Variants in CIBAR1 observed in about 807,000 individuals in gnomAD.
CIBAR1 encodes CBY1-interacting BAR domain-containing protein 1.
Under a neutral mutation model 44.0 loss-of-function variants are expected in CIBAR1, and 25 were observed. The observed-to-expected ratio is 0.57, with a 90% CI of 0.41 to 0.79. CIBAR1 has a LOEUF of 0.79. Ranked by LOEUF, CIBAR1 falls within the 30% of genes least tolerant of loss-of-function variation. CIBAR1 has a pLI of 0.00. For missense variants in CIBAR1, 278 were observed against 344.8 expected, an observed-to-expected ratio of 0.81 and a Z score of 1.53; for synonymous variants, 115 against 119.0, an observed-to-expected ratio of 0.97 and a Z score of 0.22.
intron 7 of CIBAR1, chr8:93,724,699 A>G (rs1303690145): frequency 8.9e-7 from 1 of 1,124,068 alleles, no homozygotes; most frequent in Non-Finnish European, 1.1e-6. Flanking sequence ...GGTTCAGTAA[A>G]GTAGCCATTA....
intron 6 of CIBAR1, among the ~76,000 whole-genome samples, chr8:93,710,742 G>T (rs961620260): frequency 2.0e-5 from 3 of 151,174 alleles, no homozygotes; most frequent in African/African-American, 7.3e-5. Flanking sequence ...GCTGAGGCAG[G>T]AGAATCACTT....
In CIBAR1 at chr8:93,730,984, G is replaced by A. The variant is rs1301547840; in HGVS notation, c.*2687G>A. 1 of 152,162 alleles carries A rather than the reference G, an allele frequency of 6.6e-6. No individual in the cohort carries two copies. The highest frequency in any genetic ancestry group is 1.5e-5 in the Non-Finnish European group (1 of 68,060). 9.4% of individuals were successfully genotyped at this position (152,162 alleles called of 1,614,324 possible). On this transcript the variant is annotated 3_prime_UTR_variant, in exon 9 of 9. Coordinates refer to ENST00000518322, the MANE Select transcript of CIBAR1 (RefSeq NM_145269.5). Reference sequence around the variant, plus strand: ...GAGAACAGCCTGGGCAACACAGTGAGACTCTGTCTCTACAAATAATAAAAA... The same window carrying A: ...GAGAACAGCCTGGGCAACACAGTGAAACTCTGTCTCTACAAATAATAAAAA...
intron 2 of CIBAR1, among the ~76,000 whole-genome samples, chr8:93,703,021 C>T (rs1810425082): frequency 1.3e-5 from 2 of 152,062 alleles, no homozygotes; most frequent in Non-Finnish European, 1.5e-5. Context: ...AAACCTGTAA[C>T]GTTTAAGAAA....
At chr8:93,727,127 G>T (rs1363873553) in intron 8 of CIBAR1, 1 of 1,076,074 alleles carries the variant, frequency 9.3e-7, no homozygotes, top group Admixed American at 2.3e-5. Context: ...ATTTACAAAA[G>T]CAGGAGGCTG....
chr8:93,705,194 A>G, intron 4 of CIBAR1, 184 bp downstream of exon 4: 1 of 504,182 alleles, frequency 2.0e-6, no homozygotes, highest in African/African-American at 1.9e-5. Context: ...CCTAATTCAA[A>G]TCCCCTTATA....
rs1167432300 is a variant in CIBAR1 at position 93,724,564 on chromosome 8, G to A, written c.658-1830G>A. On this transcript the variant is annotated intron_variant, in intron 7 of 8. Transcript: ENST00000518322. ...GGTCTTGAACTCCTGGGGCTCAAGCGATCCGCCTGCGTTGGCCTCCCAAAG... is the reference window on the plus strand; with the variant it reads ...GGTCTTGAACTCCTGGGGCTCAAGCAATCCGCCTGCGTTGGCCTCCCAAAG... 12 of 1,272,330 alleles carry A rather than the reference G, an allele frequency of 9.4e-6. No homozygotes were observed. In the African/African-American group the frequency reaches 1.4e-4, roughly 15 times the overall value. 78.8% of individuals were successfully genotyped at this position (1,272,330 alleles called of 1,614,324 possible). A position where few individuals can be genotyped will look rare whatever the true frequency, so the allele number is the denominator to read the frequency against.
At chr8:93,710,012 C>T in intron 6 of CIBAR1, 137 bp downstream of exon 6, 1 of 639,304 alleles carries the variant, frequency 1.6e-6, no homozygotes, top group South Asian at 2.0e-5. Context: ...GGGGCGGGCA[C>T]AGTGGCTTAT....
At chr8:93,714,296 G>A (rs1000514042) in intron 6 of CIBAR1, among the ~76,000 whole-genome samples, 1 of 151,922 alleles carries the variant, frequency 6.6e-6, no homozygotes, top group African/African-American at 2.4e-5. Flanking sequence ...GTTGATTTTT[G>A]TATACTGACT....
In CIBAR1 at chr8:93,706,675, G is replaced by A. The variant is rs371945451; in HGVS notation, c.433-1336G>A. On this transcript the variant is annotated intron_variant, in intron 4 of 8. Transcript: ENST00000518322. ...GGAAGGGAGATAATCTTAGAGCACA[G>A]ATGAAGCAGGTCTTTGGGTTCACAT... 5.9e-5 allele frequency among the ~76,000 whole-genome samples: 9 copies of A among 152,308 alleles called. 1 individual carries two copies. The South Asian group carries it at 1.9e-3, about 32-fold the overall frequency.
chr8:93,713,920 C>CT (rs1261959969), intron 6 of CIBAR1, among the ~76,000 whole-genome samples: 2 of 152,080 alleles, frequency 1.3e-5, no homozygotes, highest in Non-Finnish European at 1.5e-5. Flanking sequence ...GTACTTTCTT[C>CT]TTTTTTTAAA....
chr8:93,707,018 C>T (rs1253064700), intron 4 of CIBAR1, among the ~76,000 whole-genome samples: 2 of 152,188 alleles, frequency 1.3e-5, no homozygotes, highest in Non-Finnish European at 2.9e-5. Flanking sequence ...CCAAGTAGGG[C>T]TCCAGGTGAC....
At chr8:93,708,983 A>C (rs1479623839) in intron 5 of CIBAR1, among the ~76,000 whole-genome samples, 1 of 152,220 alleles carries the variant, frequency 6.6e-6, no homozygotes, top group Non-Finnish European at 1.5e-5. Flanking sequence ...AAGCATAAAG[A>C]GTAAGAGATA....
intron 5 of CIBAR1, among the ~76,000 whole-genome samples, chr8:93,708,918 C>T (rs899996898): frequency 6.6e-6 from 1 of 152,156 alleles, no homozygotes; most frequent in African/African-American, 2.4e-5. Flanking sequence ...GTGCCACTCT[C>T]CTTAGTCATT....
chr8:93,708,848 T>C (rs1478141577), intron 5 of CIBAR1, among the ~76,000 whole-genome samples: 1 of 152,226 alleles, frequency 6.6e-6, no homozygotes, highest in African/African-American at 2.4e-5. Context: ...CTCAATGTTG[T>C]AATGATTTCA....
Position 93,729,131 on chromosome 8 carries a change from A to G in CIBAR1, c.*834A>G, listed in dbSNP as rs1338316387. On this transcript the variant is annotated 3_prime_UTR_variant, in exon 9 of 9. Transcript: ENST00000518322. ...TGATGCTTCTCTTTTGGTAAGGAAT[A>G]CTTTTATTTCATGGATCCCAGGCAG... 6.6e-6 allele frequency: 1 copy of G among 152,152 alleles called. No individual in the cohort carries two copies. Among genetic ancestry groups the G allele is most frequent in the African/African-American group, 2.4e-5 (1 of 41,464 alleles). The allele number at this position is 152,152 out of a possible 1,614,324, so 9.4% of individuals were successfully genotyped here. A position where few individuals can be genotyped will look rare whatever the true frequency, so the allele number is the denominator to read the frequency against.
intron 7 of CIBAR1, among the ~76,000 whole-genome samples, chr8:93,719,016 A>G (rs989162304): frequency 6.6e-6 from 1 of 152,106 alleles, no homozygotes; most frequent in Non-Finnish European, 1.5e-5. Flanking sequence ...GGTGCCCGCC[A>G]CCATGCCCAG....
At chr8:93,700,842 C>A in intron 1 of CIBAR1, 169 bp downstream of exon 1, 1 of 1,313,004 alleles carries the variant, frequency 7.6e-7, no homozygotes. Context: ...CAGCCACCGC[C>A]GGCGGCGAAG....
intron 6 of CIBAR1, among the ~76,000 whole-genome samples, chr8:93,716,507 A>G (rs748085625): frequency 1.3e-5 from 2 of 152,008 alleles, no homozygotes; most frequent in African/African-American, 2.4e-5. Flanking sequence ...TCCTTAACCT[A>G]TATTTCTGTT....
At chr8:93,727,816 A>G (rs1458042070) in intron 8 of CIBAR1, among the ~76,000 whole-genome samples, 2 of 152,160 alleles carry the variant, frequency 1.3e-5, no homozygotes, top group African/African-American at 2.4e-5. Flanking sequence ...CTACTTTTAC[A>G]TCAGTATTTC....
Sources: allele counts gnomAD v4.1 joint callset (sites outside exome capture counted in the v4.1 genomes callset), GRCh38; gene constraint gnomAD v4.1.1; transcripts MANE v1.5; gene names NCBI Gene and HGNC (gene_info 2026-07-23, HGNC 2026-07-21).